Variants in ADGRA2 observed in about 807,000 individuals in gnomAD.
ADGRA2 encodes the protein adhesion G protein-coupled receptor A2.
ADGRA2 carries 61 observed loss-of-function variants against 98.7 expected under a neutral mutation model. The ratio of observed to expected loss-of-function variants is 0.62; its 90% confidence interval spans 0.50 to 0.76. The LOEUF is 0.76. ADGRA2 is among the 30% of genes least tolerant of loss of function. The pLI, the probability that ADGRA2 is intolerant of heterozygous loss-of-function variation, is 0.00. For missense variants in ADGRA2, 1,712 were observed against 1,860.0 expected, an observed-to-expected ratio of 0.92 and a Z score of 1.46; for synonymous variants, 858 against 831.5, an observed-to-expected ratio of 1.03 and a Z score of -0.55.
chr8:37,803,928 C>T (rs1804576814), intron 1 of ADGRA2, among the ~76,000 whole-genome samples: 1 of 152,124 alleles, frequency 6.6e-6, no homozygotes, highest in African/African-American at 2.4e-5. Context: ...TCCTCCCTCT[C>T]CTCCTCCCTT....
intron 2 of ADGRA2, among the ~76,000 whole-genome samples, chr8:37,818,228 T>C (rs1394716642): frequency 6.6e-6 from 1 of 152,072 alleles, no homozygotes; most frequent in African/African-American, 2.4e-5. Context: ...GCCCTGCCCC[T>C]CTCAGGCTGG....
At position 37,797,490 on chromosome 8, in the gene ADGRA2, G is replaced by A. The variant is rs758537544; in HGVS notation, c.222G>A (p.Pro74=). The A allele has an allele frequency of 1.4e-6, 2 of 1,406,950 alleles. No homozygotes were observed. The highest frequency in any genetic ancestry group is 1.5e-5 in the African/African-American group (1 of 67,554). 87.2% of individuals were successfully genotyped at this position (1,406,950 alleles called of 1,614,324 possible). Residue 74 remains proline, a synonymous_variant, in exon 1 of 19, where the codon CCG becomes CCA. Coordinates refer to ENST00000412232, the MANE Select transcript of ADGRA2 (RefSeq NM_032777.10). This position sits in a 1 kb window ranked among gnomAD's most constrained non-coding sequence, Gnocchi z 5.3. ...RRVVCSGGDL[P]EPPEPGLLPN... ...TGGTGTGCAGCGGCGGGGACCTCCC[G>A]GAGCCTCCCGAGCCCGGCCTTCTGC... is the stretch of plus-strand genomic sequence containing the variant.
chr8:37,833,729 G>T lies in ADGRA2; in HGVS notation c.1338G>T (p.Gln446His). Residue 446 changes from glutamine to histidine, a missense_variant, in exon 10 of 19, where the codon CAG becomes CAT. Coordinates refer to ENST00000412232, the MANE Select transcript of ADGRA2 (RefSeq NM_032777.10). ...CCAATGCGCTGACCCTGGCTCACCA[G>T]CTGCGCGTGTACACAGCCGAGGCCG... Reference protein sequence around the residue: ...NASNALTLAHQLRVYTAEAAS... With the variant: ...NASNALTLAHHLRVYTAEAAS... 1.2e-6 allele frequency: 2 copies of T among 1,614,204 alleles called. No homozygotes were observed.
Position 37,797,160 on chromosome 8 carries a change from C to T in ADGRA2, c.-109C>T, listed in dbSNP as rs551046966. On this transcript the variant is annotated 5_prime_UTR_variant, in exon 1 of 19. Coordinates refer to ENST00000412232, the MANE Select transcript of ADGRA2 (RefSeq NM_032777.10). This position sits in a 1 kb window ranked among gnomAD's most constrained non-coding sequence, Gnocchi z 5.3. ...CTCCGCCCAGGGCCCCCCTCCACGCCCTCGGGAGCCCCGGGCCCCCGCTGA... is the reference window on the plus strand; with the variant it reads ...CTCCGCCCAGGGCCCCCCTCCACGCTCTCGGGAGCCCCGGGCCCCCGCTGA... The T allele has an allele frequency of 1.0e-5, 9 of 885,432 alleles. No homozygotes were observed. The East Asian group carries it at 2.5e-4, about 25-fold the overall frequency. The allele number at this position is 885,432 out of a possible 1,614,324, so 54.8% of individuals were successfully genotyped here.
intron 1 of ADGRA2, among the ~76,000 whole-genome samples, chr8:37,810,907 G>A (rs538171767): frequency 6.6e-6 from 1 of 152,058 alleles, no homozygotes; most frequent in South Asian, 2.1e-4. Context: ...ATGAGGTCAG[G>A]AGATCAAGAC....
rs1354039790 is a variant in ADGRA2 at position 37,797,277 on chromosome 8, CG to C, written c.14del (p.Gly5AspfsTer50). On this transcript the variant is annotated frameshift_variant, in exon 1 of 19. Transcript: ENST00000412232. LOFTEE classifies it high-confidence loss of function. This position sits in a 1 kb window ranked among gnomAD's most constrained non-coding sequence, Gnocchi z 5.3. ...CGCGGGGCGATGGGTTGATGGGCGCCGGGGGACGCAGGATGCGGGGGGCGCC... is the reference window on the plus strand; with the variant it reads ...CGCGGGGCGATGGGTTGATGGGCGCCGGGGACGCAGGATGCGGGGGGCGCC... MGA[G>X]GRRMRGAPAR... 8.5e-6 allele frequency: 11 copies of C among 1,294,390 alleles called. No homozygotes were observed. The highest frequency in any genetic ancestry group is 2.4e-5 in the South Asian group (1 of 40,926). The allele number at this position is 1,294,390 out of a possible 1,614,324, so 80.2% of individuals were successfully genotyped here.
chr8:37,833,525 T>G (rs1479703875), intron 9 of ADGRA2, among the ~76,000 whole-genome samples, 163 bp from the exon 10 acceptor site: 1 of 152,182 alleles, frequency 6.6e-6, no homozygotes, highest in African/African-American at 2.4e-5. Flanking sequence ...TGGGCTGTGA[T>G]GGTCTCAGCC....
chr8:37,797,254 CGG>C lies in ADGRA2; in HGVS notation c.-12_-11del. 1 of 1,245,130 alleles carries C rather than the reference CGG, an allele frequency of 8.0e-7. No homozygotes were observed. Among genetic ancestry groups the C allele is most frequent in the East Asian group, 3.3e-5 (1 of 30,364 alleles). The allele number at this position is 1,245,130 out of a possible 1,614,324, so 77.1% of individuals were successfully genotyped here. On this transcript the variant is annotated 5_prime_UTR_variant, in exon 1 of 19. Transcript: ENST00000412232. This position sits in a 1 kb window ranked among gnomAD's most constrained non-coding sequence, Gnocchi z 5.3. ...CCGGCCCCAGCGCTGTGGGTCCCCGCGGGGCGATGGGTTGATGGGCGCCGGGG... is the reference window on the plus strand; with the variant it reads ...CCGGCCCCAGCGCTGTGGGTCCCCGCGGCGATGGGTTGATGGGCGCCGGGG...
Position 37,841,045 on chromosome 8 carries a change from C to CA in ADGRA2, c.2748-40dup. ...CCCCGGCCCCCAGCCCCACCCCAGC[C>CA]ATGCCCCCTGTCCTCATCACTGCTT... On this transcript the variant is annotated intron_variant, in intron 18 of 18. Transcript: ENST00000412232. The surrounding 1 kb of genome is among the most constrained non-coding windows in gnomAD (Gnocchi z 5.0). The CA allele has an allele frequency of 6.4e-7, 1 of 1,553,290 alleles. No homozygotes were observed. Among genetic ancestry groups the CA allele is most frequent in the Non-Finnish European group, 8.7e-7 (1 of 1,148,288 alleles).
At chr8:37,835,508 C>T (rs558134275) in intron 12 of ADGRA2, 46 bp from the exon 13 acceptor site, 3 of 1,499,348 alleles carry the variant, frequency 2.0e-6, no homozygotes, top group East Asian at 4.5e-5. Context: ...GACATCAGTG[C>T]TCTAGGGGGT....
chr8:37,815,097 G>A (rs1804940111), intron 2 of ADGRA2, 130 bp downstream of exon 2: 2 of 681,174 alleles, frequency 2.9e-6, no homozygotes, highest in African/African-American at 1.8e-5. Flanking sequence ...CCCGGAGTTA[G>A]ACCCACTGGG....
intron 1 of ADGRA2, among the ~76,000 whole-genome samples, chr8:37,798,492 C>T (rs953126482): frequency 7.2e-5 from 11 of 152,202 alleles, no homozygotes; most frequent in African/African-American, 2.2e-4. Flanking sequence ...CATTGGCGAC[C>T]CCTCCCCACC....
intron 1 of ADGRA2, among the ~76,000 whole-genome samples, chr8:37,809,461 C>T (rs1034952889): frequency 6.6e-6 from 1 of 152,164 alleles, no homozygotes; most frequent in African/African-American, 2.4e-5. Context: ...AGTAAACTTC[C>T]TCAGACCTCT....
At chr8:37,829,122 G>A in intron 3 of ADGRA2, 139 bp from the exon 4 acceptor site, 2 of 807,488 alleles carry the variant, frequency 2.5e-6, no homozygotes, top group Non-Finnish European at 4.1e-6. Context: ...TTCCAGTCCA[G>A]CTGCGGCCTG....
In ADGRA2 at chr8:37,798,353, T is replaced by G. The variant is rs1404564139; in HGVS notation, c.266+819T>G. Among the ~76,000 whole-genome samples the G allele has an allele frequency of 3.3e-5, 5 of 152,186 alleles. No homozygotes were observed. In the East Asian group the frequency reaches 7.7e-4, roughly 24 times the overall value. On this transcript the variant is annotated intron_variant, in intron 1 of 18. Coordinates refer to ENST00000412232, the MANE Select transcript of ADGRA2 (RefSeq NM_032777.10). The stretch of plus-strand genomic sequence containing the variant: ...TCCCTCACCGCAGCCCACCCGGGCC[T>G]CCTTCCGCGACTTCCCTCTTAGTCA...
At position 37,840,977 on chromosome 8, in the gene ADGRA2, C is replaced by T. The variant is rs1278748867; in HGVS notation, c.2748-109C>T. ...CCCAAGCCCATGCATGCTGACCAAG[C>T]CGTCCTTGTCTCCGTACTCACCATA... is the stretch of plus-strand genomic sequence containing the variant. On this transcript the variant is annotated intron_variant, in intron 18 of 18. Transcript: ENST00000412232. 16 of 1,248,406 alleles carry T rather than the reference C, an allele frequency of 1.3e-5. No individual in the cohort carries two copies. In the African/African-American group the frequency reaches 1.3e-4, roughly 10 times the overall value. The allele number at this position is 1,248,406 out of a possible 1,614,324, so 77.3% of individuals were successfully genotyped here.
Position 37,844,633 on chromosome 8 carries a change from G to A in ADGRA2, c.*2278G>A, listed in dbSNP as rs762935126. 4 of 1,614,106 alleles carry A rather than the reference G, an allele frequency of 2.5e-6. No individual in the cohort carries two copies. In the Admixed American group the frequency reaches 5.0e-5, roughly 20 times the overall value. ...TCTCCAGTGACAGTGGAGACAGGGG[G>A]TACAGGGCAGATCCGCTTCGGGGAC... On this transcript the variant is annotated 3_prime_UTR_variant, in exon 19 of 19. Coordinates refer to ENST00000412232, the MANE Select transcript of ADGRA2 (RefSeq NM_032777.10).
In ADGRA2 at chr8:37,830,525, G is replaced by A. The variant is rs532831424; in HGVS notation, c.719-185G>A. Among the ~76,000 whole-genome samples the A allele has an allele frequency of 1.3e-5, 2 of 152,120 alleles. No homozygotes were observed. The highest frequency in any genetic ancestry group is 1.9e-4 in the East Asian group (1 of 5,186). On this transcript the variant is annotated intron_variant, in intron 6 of 18. Transcript: ENST00000412232. This position sits in a 1 kb window ranked among gnomAD's most constrained non-coding sequence, Gnocchi z 4.8. Reference sequence around the variant, plus strand: ...GAGTACTTTTCTTTGTCCAAAAACCGCCTGTCCCTCCCCTTTACCCTTACC... The same window carrying A: ...GAGTACTTTTCTTTGTCCAAAAACCACCTGTCCCTCCCCTTTACCCTTACC...
intron 15 of ADGRA2, 180 bp downstream of exon 15, chr8:37,839,263 C>G (rs1805718023): frequency 3.4e-6 from 2 of 594,282 alleles, no homozygotes; most frequent in South Asian, 7.4e-5. Context: ...TCACTGAGGA[C>G]TTGGCAGGGG....
Sources: gnomAD v4.1 joint callset for allele counts (sites outside exome capture counted in the v4.1 genomes callset) on GRCh38, gnomAD v4.1.1 for gene constraint, Gnocchi (gnomAD v3.1) non-coding constraint, MANE v1.5 for transcripts, NCBI Gene and HGNC (gene_info 2026-07-23, HGNC 2026-07-21) for gene names.